Variants in STXBP6 observed in about 807,000 individuals in gnomAD.
STXBP6 encodes syntaxin-binding protein 6.
In STXBP6, 21 loss-of-function variants were observed where a neutral mutation model predicts 26.9. The ratio of observed to expected loss-of-function variants is 0.78; its 90% CI spans 0.55 to 1.12. STXBP6 has a LOEUF of 1.12. Among genes scored for constraint, STXBP6 ranks in the 50% most tolerant of loss-of-function variants. The pLI, the probability that STXBP6 is intolerant of heterozygous loss-of-function variation, is 0.00. For missense variants in STXBP6, 232 were observed against 257.9 expected (o/e 0.90, Z 0.69); for synonymous variants, 97 against 92.6 (o/e 1.05, Z -0.27).
intron 2 of STXBP6, among the ~76,000 whole-genome samples, chr14:24,968,224 C>T (rs1243441562): frequency 2.7e-5 from 4 of 147,970 alleles, no homozygotes; most frequent in African/African-American, 1.0e-4. Context: ...GTTCCTTTTT[C>T]ACTGCTAATA....
intron 2 of STXBP6, among the ~76,000 whole-genome samples, chr14:24,942,337 T>C (rs544278668): frequency 6.6e-6 from 1 of 152,180 alleles, no homozygotes; most frequent in South Asian, 2.1e-4. Flanking sequence ...GCAGACTGGA[T>C]AACCAAACAT....
intron 1 of STXBP6, among the ~76,000 whole-genome samples, chr14:25,014,925 C>T (rs1431423302): frequency 6.6e-6 from 1 of 152,170 alleles, no homozygotes; most frequent in African/African-American, 2.4e-5. Context: ...CCCAAATTTT[C>T]TGTAATTACC....
chr14:24,871,548 G>T (rs537639966), intron 2 of STXBP6, among the ~76,000 whole-genome samples: 1 of 152,290 alleles, frequency 6.6e-6, no homozygotes, highest in Non-Finnish European at 1.5e-5. Flanking sequence ...AGATGATGCT[G>T]TCAGGGGCCA....
At chr14:24,832,972 C>G (rs556933621) in intron 4 of STXBP6, among the ~76,000 whole-genome samples, 7 of 152,308 alleles carry the variant, frequency 4.6e-5, no homozygotes, top group Non-Finnish European at 1.0e-4. Flanking sequence ...TGTTACTTCT[C>G]TCTTAAAATG....
intron 1 of STXBP6, among the ~76,000 whole-genome samples, chr14:25,039,851 C>T (rs940182809): frequency 1.3e-5 from 2 of 152,016 alleles, no homozygotes; most frequent in Non-Finnish European, 2.9e-5. Flanking sequence ...GGATTACAGG[C>T]GCCTGCCACC....
chr14:24,982,594 A>C (rs1269994897), intron 1 of STXBP6, among the ~76,000 whole-genome samples: 1 of 152,212 alleles, frequency 6.6e-6, no homozygotes, highest in Non-Finnish European at 1.5e-5. Flanking sequence ...AGACTATGAG[A>C]CCCGATTGGC....
Position 25,049,569 on chromosome 14 carries a change from C to T in STXBP6, c.-33+309G>A, listed in dbSNP as rs943608362. 4.1e-6 allele frequency: 4 copies of T among 985,500 alleles called. No individual in the cohort carries two copies. The highest frequency in any genetic ancestry group is 4.8e-6 in the Non-Finnish European group (4 of 830,008). 61.0% of individuals were successfully genotyped at this position (985,500 alleles called of 1,614,324 possible). On this transcript the variant is annotated intron_variant, in intron 1 of 5. Coordinates refer to ENST00000323944, the MANE Select transcript of STXBP6 (RefSeq NM_001394410.1). The surrounding 1 kb of genome is among the most constrained non-coding windows in gnomAD (Gnocchi z 5.6). ...AAAAAAAGGCTCCATCCTCAACTTT[C>T]TCGGAGGAAATCGCTCCGTTCTGCG...
At chr14:25,032,885 GAAAATTGC>G (rs1437525537) in intron 1 of STXBP6, among the ~76,000 whole-genome samples, 2 of 152,190 alleles carry the variant, frequency 1.3e-5, no homozygotes, top group Non-Finnish European at 2.9e-5. Context: ...AGTGCTTCCT[GAAAATTGC>G]AGGCACATCT....
intron 4 of STXBP6, among the ~76,000 whole-genome samples, chr14:24,834,780 G>T (rs139612327): frequency 4.6e-5 from 7 of 152,266 alleles, no homozygotes; most frequent in African/African-American, 1.7e-4. Flanking sequence ...GGAGACCTGT[G>T]GGGGAGAAGG....
intron 4 of STXBP6, among the ~76,000 whole-genome samples, chr14:24,840,134 G>C (rs1407803742): frequency 6.6e-6 from 1 of 152,132 alleles, no homozygotes; most frequent in East Asian, 1.9e-4. Flanking sequence ...GCTTAGACAG[G>C]TTATAAATTG....
intron 1 of STXBP6, among the ~76,000 whole-genome samples, chr14:25,011,567 G>A (rs2075032716): frequency 6.6e-6 from 1 of 152,152 alleles, no homozygotes; most frequent in South Asian, 2.1e-4. Flanking sequence ...TTCAGTCCAA[G>A]AGAATGAGAC....
intron 1 of STXBP6, among the ~76,000 whole-genome samples, chr14:24,997,395 T>G (rs778849495): frequency 2.0e-4 from 31 of 152,358 alleles, no homozygotes; most frequent in East Asian, 1.9e-4. Flanking sequence ...AAACCTCTTC[T>G]ATGGCAGCTT....
intron 1 of STXBP6, among the ~76,000 whole-genome samples, chr14:25,039,474 T>G (rs1345233543): frequency 2.0e-5 from 3 of 152,206 alleles, no homozygotes; most frequent in Non-Finnish European, 2.9e-5. Context: ...TTGTATAAAT[T>G]GCAGTTTCTT....
At chr14:24,894,705 T>C (rs1241598) in intron 2 of STXBP6, among the ~76,000 whole-genome samples, 127,654 of 152,110 alleles carry the variant, frequency 0.84, 53,736 homozygotes, top group African/African-American at 0.9. Context: ...TTAACTTTTC[T>C]CTATAGACAA....
chr14:24,830,895 G>T (rs912477429), intron 4 of STXBP6, among the ~76,000 whole-genome samples: 11 of 152,154 alleles, frequency 7.2e-5, no homozygotes, highest in Admixed American at 5.2e-4. Flanking sequence ...TGGCACAATG[G>T]AAGTTAAGTC....
chr14:25,000,731 C>A (rs2074739356), intron 1 of STXBP6, among the ~76,000 whole-genome samples: 1 of 150,482 alleles, frequency 6.6e-6, no homozygotes, highest in Non-Finnish European at 1.5e-5. Flanking sequence ...ACATAGGACA[C>A]AAGACCCCCA....
At chr14:24,924,853 T>C (rs2072106613) in intron 2 of STXBP6, among the ~76,000 whole-genome samples, 1 of 152,202 alleles carries the variant, frequency 6.6e-6, no homozygotes, top group Non-Finnish European at 1.5e-5. Context: ...ACAATTATTC[T>C]GCAAAGATAA....
At chr14:24,930,803 T>C (rs1290066357) in intron 2 of STXBP6, among the ~76,000 whole-genome samples, 1 of 151,992 alleles carries the variant, frequency 6.6e-6, no homozygotes, top group Non-Finnish European at 1.5e-5. Flanking sequence ...CTAAGCAAAC[T>C]ATTGCAAGGA....
intron 1 of STXBP6, among the ~76,000 whole-genome samples, chr14:25,006,127 A>G (rs1595300806): frequency 6.6e-6 from 1 of 152,188 alleles, no homozygotes; most frequent in South Asian, 2.1e-4. Context: ...TCTTGCTCCC[A>G]TGACAGAGAA....
Sources: allele counts gnomAD v4.1 joint callset (sites outside exome capture counted in the v4.1 genomes callset), GRCh38; gene constraint gnomAD v4.1.1; non-coding constraint Gnocchi (gnomAD v3.1); transcripts MANE v1.5; gene names NCBI Gene and HGNC (gene_info 2026-07-23, HGNC 2026-07-21).